ITGA6: variants seen among roughly 807,000 people sequenced by gnomAD.
ITGA6 encodes the protein integrin alpha-6.
In ITGA6, 63 loss-of-function variants were observed where a neutral mutation model predicts 133.6. The ratio of observed to expected loss-of-function variants is 0.47; its 90% confidence interval spans 0.38 to 0.58. ITGA6 has a LOEUF of 0.58. ITGA6 is among the 20% of genes least tolerant of loss of function. The probability of loss-of-function intolerance (pLI) is 0.00; values close to 1 mark genes in which losing one functional copy is unlikely to be tolerated. For missense variants in ITGA6, 1,068 were observed against 1,309.4 expected, an observed-to-expected ratio of 0.82 and a Z score of 2.85; for synonymous variants, 434 against 482.0, an observed-to-expected ratio of 0.90 and a Z score of 1.30.
intron 11 of ITGA6, among the ~76,000 whole-genome samples, chr2:172,481,484 A>T (rs528131442): frequency 6.6e-6 from 1 of 152,344 alleles, no homozygotes; most frequent in Non-Finnish European, 1.5e-5. Flanking sequence ...ACCTGTGATA[A>T]AGTTCAGTGA....
Position 172,439,111 on chromosome 2 carries a change from T to C in ITGA6, c.182+11141T>C, listed in dbSNP as rs926524251. Among the ~76,000 whole-genome samples, 6 of 151,970 alleles carry C rather than the reference T, an allele frequency of 3.9e-5. 1 individual carries two copies. In the East Asian group the frequency reaches 5.8e-4, roughly 15 times the overall value. On this transcript the variant is annotated intron_variant, in intron 1 of 25. Transcript: ENST00000684293. ...TGCCTTGGATGGCACAGTCCTGGTG[T>C]ATCCTGCAGGCTGAGTGGACAGGAG... is the stretch of plus-strand genomic sequence containing the variant.
intron 1 of ITGA6, among the ~76,000 whole-genome samples, chr2:172,437,137 A>T (rs1684353423): frequency 6.6e-6 from 1 of 152,230 alleles, no homozygotes; most frequent in South Asian, 2.1e-4. Flanking sequence ...GGCCTTATGG[A>T]TCATCGAATG....
Position 172,476,548 on chromosome 2 carries a change from C to T in ITGA6, c.1388+35C>T, listed in dbSNP as rs114533511. ...CTATGATTTTAGTGTTAAGCATGTT[C>T]TATAATCAGGTTATACTAAAATGTT... On this transcript the variant is annotated intron_variant, in intron 9 of 25. Coordinates refer to ENST00000684293, the MANE Select transcript of ITGA6 (RefSeq NM_000210.4). The T allele has an allele frequency of 2.6e-3, 3,141 of 1,214,524 alleles. 9 individuals are homozygous for T. Among genetic ancestry groups the T allele is most frequent in the Non-Finnish European group, 3.4e-3 (2,766 of 815,606 alleles). The allele number at this position is 1,214,524 out of a possible 1,614,324, so 75.2% of individuals were successfully genotyped here.
intron 23 of ITGA6, among the ~76,000 whole-genome samples, chr2:172,497,475 C>T (rs1334720256): frequency 7.0e-6 from 1 of 143,160 alleles, no homozygotes; most frequent in African/African-American, 2.7e-5. Flanking sequence ...GCACTCCAAC[C>T]TGGGCAACAG....
intron 9 of ITGA6, among the ~76,000 whole-genome samples, chr2:172,479,208 A>G (rs547318855): frequency 3.9e-4 from 59 of 152,298 alleles, no homozygotes; most frequent in Middle Eastern, 6.8e-3. Flanking sequence ...ACAGGACAAG[A>G]CCTCTGAAAT....
intron 23 of ITGA6, among the ~76,000 whole-genome samples, chr2:172,497,502 C>CAAAAAAA (rs34616494): frequency 1.3e-4 from 12 of 89,520 alleles, no homozygotes; most frequent in African/African-American, 4.6e-4. Context: ...ACCCTGTCTC[C>CAAAAAAA]AAAAAAAAAA....
At chr2:172,450,975 G>T (rs913170538) in intron 1 of ITGA6, among the ~76,000 whole-genome samples, 1 of 145,500 alleles carries the variant, frequency 6.9e-6, no homozygotes, top group Non-Finnish European at 1.5e-5. Flanking sequence ...AATATATTTT[G>T]TGTGTGTGTA....
chr2:172,504,296 T>G lies in ITGA6; in HGVS notation c.*228T>G. ...AAGCTTCACAGTACCCAAACTGCTT[T>G]TTCCAACTCAGAAATTCAATTTGGA... On this transcript the variant is annotated 3_prime_UTR_variant, in exon 26 of 26. Coordinates refer to ENST00000684293, the MANE Select transcript of ITGA6 (RefSeq NM_000210.4). The G allele has an allele frequency of 7.0e-7, 1 of 1,432,696 alleles. No individual in the cohort carries two copies. Among genetic ancestry groups the G allele is most frequent in the Non-Finnish European group, 9.4e-7 (1 of 1,065,316 alleles). 88.7% of individuals were successfully genotyped at this position (1,432,696 alleles called of 1,614,324 possible).
intron 1 of ITGA6, among the ~76,000 whole-genome samples, chr2:172,457,066 G>T (rs1346543529): frequency 6.6e-6 from 1 of 152,088 alleles, no homozygotes; most frequent in African/African-American, 2.4e-5. Context: ...GGTTGAGTTG[G>T]GGAGATCACT....
intron 1 of ITGA6, chr2:172,465,181 T>G (rs935617569): frequency 2.2e-5 from 7 of 316,980 alleles, no homozygotes; most frequent in Non-Finnish European, 3.6e-5. Flanking sequence ...TTTGGTTTCT[T>G]CTCTTGAGTT....
intron 11 of ITGA6, chr2:172,481,079 CTGGCAGTT>C (rs995013011): frequency 9.9e-5 from 15 of 152,194 alleles, no homozygotes; most frequent in African/African-American, 3.6e-4. Context: ...GGCCATGGTC[CTGGCAGTT>C]TGGGATTCTA....
chr2:172,479,766 T>A (rs767291015), intron 10 of ITGA6, 27 bp downstream of exon 10: 1 of 1,577,338 alleles, frequency 6.3e-7, no homozygotes, highest in African/African-American at 1.4e-5. Context: ...CTTGGTGGGA[T>A]CCCCCTCAGT....
intron 5 of ITGA6, among the ~76,000 whole-genome samples, 198 bp downstream of exon 5, chr2:172,471,303 C>G (rs1316113305): frequency 6.6e-6 from 1 of 152,202 alleles, no homozygotes; most frequent in Non-Finnish European, 1.5e-5. Flanking sequence ...TTCCTTCTGA[C>G]TGGGGCTCCC....
chr2:172,452,368 G>A (rs1685042686), intron 1 of ITGA6, among the ~76,000 whole-genome samples: 1 of 152,210 alleles, frequency 6.6e-6, no homozygotes, highest in African/African-American at 2.4e-5. Context: ...TTGTCTAAAG[G>A]TGTGAGCAGC....
intron 1 of ITGA6, among the ~76,000 whole-genome samples, chr2:172,451,167 T>A (rs1193292749): frequency 7.2e-5 from 10 of 138,504 alleles, no homozygotes; most frequent in East Asian, 2.2e-4. Context: ...AAGAAAAAAA[T>A]TTTTAAATAA....
At chr2:172,490,784 T>C (rs990903985) in intron 20 of ITGA6, 7 of 443,784 alleles carry the variant, frequency 1.6e-5, no homozygotes, top group Non-Finnish European at 2.9e-5. Flanking sequence ...TCTCTTTCTC[T>C]GAGTTTTAAG....
chr2:172,474,097 A>C lies in ITGA6; in HGVS notation c.818A>C (p.Glu273Ala). Residue 273 changes from glutamate (E) to alanine (A), a missense_variant, in exon 6 of 26, where the codon GAG (glutamate) becomes GCG (alanine). By Grantham distance (107) the Glu-to-Ala change is moderately radical. Transcript: ENST00000684293. ...DSGKGIVSKD[E>A]ITFVSGAPRA... ...GGGAAAGGTATTGTTTCTAAAGATG[A>C]GATCACTTTTGTATCTGGTGCTCCC... The C allele has an allele frequency of 6.2e-7, 1 of 1,613,824 alleles. No individual in the cohort carries two copies. Among genetic ancestry groups the C allele is most frequent in the Non-Finnish European group, 8.5e-7 (1 of 1,180,016 alleles).
chr2:172,501,852 T>G lies in ITGA6; in HGVS notation c.3195T>G (p.Asp1065Glu). 1 of 1,612,316 alleles carries G rather than the reference T, an allele frequency of 6.2e-7. No individual in the cohort carries two copies. Among genetic ancestry groups the G allele is most frequent in the Non-Finnish European group, 8.5e-7 (1 of 1,178,942 alleles). ...CTGAGATCCATGCTCAGCCATCTGA[T>G]AAAGAGAGGCTTACTTCTGATGCAT... ...HKAEIHAQPS[D>E]KERLTSDA The change falls in exon 25 of 26, where the codon GAT becomes GAG. Residue 1065 changes from aspartate (D) to glutamate (E), a missense_variant. Physicochemically the swap from Asp to Glu is conservative, Grantham distance 45 (BLOSUM62 2). Transcript: ENST00000684293.
chr2:172,485,086 C>A (rs201577223), intron 12 of ITGA6, 35 bp from the exon 13 acceptor site: 4 of 1,611,106 alleles, frequency 2.5e-6, no homozygotes, highest in African/African-American at 1.3e-5. Context: ...AGCATGTACA[C>A]CCCACTTAAC....
Sources: gnomAD v4.1 joint callset for allele counts (sites outside exome capture counted in the v4.1 genomes callset) on GRCh38, gnomAD v4.1.1 for gene constraint, MANE v1.5 for transcripts, NCBI Gene and HGNC (gene_info 2026-07-23, HGNC 2026-07-21) for gene names.